IL1RAPL2: variants seen among roughly 807,000 people sequenced by gnomAD.
The protein encoded by IL1RAPL2 is X-linked interleukin-1 receptor accessory protein-like 2.
IL1RAPL2 carries 3 observed loss-of-function variants against 44.1 expected under a neutral mutation model. The ratio of observed to expected loss-of-function variants is 0.07; its 90% CI spans 0.03 to 0.18. IL1RAPL2 has a LOEUF of 0.18. Among genes scored for constraint, IL1RAPL2 ranks in the 10% least tolerant of loss-of-function variants. IL1RAPL2 has a pLI of 1.00. For missense variants in IL1RAPL2, 391 were observed against 496.4 expected, an observed-to-expected ratio of 0.79 and a Z score of 2.02; for synonymous variants, 181 against 178.8, an observed-to-expected ratio of 1.01 and a Z score of -0.10.
intron 2 of IL1RAPL2, among the ~76,000 whole-genome samples, chrX:105,178,958 A>G (rs996948065): frequency 1.8e-5 from 2 of 111,644 alleles, no homozygotes; most frequent in African/African-American, 3.3e-5. Context: ...TCTTTACTCT[A>G]TTGATTATTA....
chrX:104,936,341 C>T (rs949680624), intron 2 of IL1RAPL2, among the ~76,000 whole-genome samples: 2 of 111,660 alleles, frequency 1.8e-5, no homozygotes, highest in African/African-American at 6.5e-5. Flanking sequence ...CAGGGTGTAT[C>T]ACATATAGGA....
At chrX:104,979,574 CAA>C (rs1215339362) in intron 2 of IL1RAPL2, among the ~76,000 whole-genome samples, 4 of 111,570 alleles carry the variant, frequency 3.6e-5, no homozygotes, top group Non-Finnish European at 7.6e-5. Flanking sequence ...TCATTCAATA[CAA>C]AAGAGTATGA....
At chrX:104,913,105 A>G (rs1032141764) in intron 2 of IL1RAPL2, among the ~76,000 whole-genome samples, 6 of 111,945 alleles carry the variant, frequency 5.4e-5, no homozygotes, top group East Asian at 2.8e-4. Flanking sequence ...AGACTATGCA[A>G]TCAAAACTAT....
At chrX:105,287,491 A>G (rs950954108) in intron 5 of IL1RAPL2, among the ~76,000 whole-genome samples, 8 of 111,915 alleles carry the variant, frequency 7.1e-5, no homozygotes, top group Non-Finnish European at 1.9e-5. Flanking sequence ...AGAGGAAGAC[A>G]TAAAAGTGAT....
intron 5 of IL1RAPL2, among the ~76,000 whole-genome samples, chrX:105,402,832 A>G (rs1018631724): frequency 8.9e-6 from 1 of 112,055 alleles, no homozygotes; most frequent in Non-Finnish European, 1.9e-5. Context: ...ATGCAAATAT[A>G]TCCCAATAGC....
intron 2 of IL1RAPL2, among the ~76,000 whole-genome samples, chrX:104,896,971 C>T (rs1419869627): frequency 9.0e-6 from 1 of 111,475 alleles, no homozygotes; most frequent in African/African-American, 3.3e-5. Context: ...TACCATGAAC[C>T]CACCAGAAGG....
intron 3 of IL1RAPL2, among the ~76,000 whole-genome samples, chrX:105,216,241 T>C (rs1556165817): frequency 9.0e-6 from 1 of 111,311 alleles, no homozygotes; most frequent in Non-Finnish European, 1.9e-5. Flanking sequence ...CCCCTTAAGC[T>C]GATAAGCAAC....
intron 2 of IL1RAPL2, among the ~76,000 whole-genome samples, chrX:105,009,534 G>A (rs1298482827): frequency 5.0e-5 from 5 of 100,445 alleles, no homozygotes; most frequent in Non-Finnish European, 1.0e-4. Context: ...TCACTCATAG[G>A]TGGGAATTGA....
At chrX:104,825,001 A>T (rs1921413542) in intron 2 of IL1RAPL2, among the ~76,000 whole-genome samples, 1 of 111,980 alleles carries the variant, frequency 8.9e-6, no homozygotes. Flanking sequence ...AATGAAAACA[A>T]ATCTCATAGG....
intron 6 of IL1RAPL2, among the ~76,000 whole-genome samples, chrX:105,515,704 T>A (rs1217293731): frequency 9.0e-6 from 1 of 111,522 alleles, no homozygotes; most frequent in African/African-American, 3.3e-5. Flanking sequence ...CTTTCTCATT[T>A]TATTACATAA....
chrX:105,698,441 CTTTAG>C (rs1043076567), intron 6 of IL1RAPL2, among the ~76,000 whole-genome samples: 1 of 111,769 alleles, frequency 8.9e-6, no homozygotes, highest in African/African-American at 3.2e-5. Context: ...AATTTTAGGG[CTTTAG>C]TTAAGTAAAA....
intron 5 of IL1RAPL2, among the ~76,000 whole-genome samples, chrX:105,410,785 C>T (rs376048840): frequency 8.9e-6 from 1 of 111,783 alleles, no homozygotes; most frequent in Non-Finnish European, 1.9e-5. Context: ...ATTCATACAT[C>T]TGGAAGTGAA....
intron 7 of IL1RAPL2, among the ~76,000 whole-genome samples, chrX:105,719,574 CGTT>C (rs1237735121): frequency 9.0e-6 from 1 of 111,024 alleles, no homozygotes; most frequent in African/African-American, 3.3e-5. Flanking sequence ...TAAAAGGAAA[CGTT>C]GTACCCATCA....
chrX:105,442,456 T>G (rs1487649017), intron 5 of IL1RAPL2, among the ~76,000 whole-genome samples: 2 of 111,727 alleles, frequency 1.8e-5, no homozygotes, highest in African/African-American at 6.5e-5. Flanking sequence ...GTGCAAACAT[T>G]GTGTAATCCC....
intron 2 of IL1RAPL2, among the ~76,000 whole-genome samples, chrX:104,901,196 CTTCTTT>C (rs1489925965): frequency 1.7e-5 from 1 of 57,923 alleles, no homozygotes; most frequent in African/African-American, 7.6e-5. Context: ...CTTTCTTTTG[CTTCTTT>C]TTTTTTTTTT....
intron 6 of IL1RAPL2, among the ~76,000 whole-genome samples, chrX:105,640,668 A>G (rs868305845): frequency 2.3e-4 from 19 of 80,940 alleles, no homozygotes; most frequent in African/African-American, 1.0e-3. Flanking sequence ...ATATATATAT[A>G]TATATATATA....
At chrX:105,033,024 T>C (rs2147753799) in intron 2 of IL1RAPL2, among the ~76,000 whole-genome samples, 1 of 111,821 alleles carries the variant, frequency 8.9e-6, no homozygotes, top group South Asian at 3.8e-4. Flanking sequence ...TTAAAGTGTT[T>C]TATCAGAGAC....
At chrX:105,029,196 T>C (rs979345410) in intron 2 of IL1RAPL2, among the ~76,000 whole-genome samples, 1 of 106,477 alleles carries the variant, frequency 9.4e-6, no homozygotes, top group African/African-American at 3.4e-5. Context: ...TTAAGAGTCT[T>C]TTTTTTTTAG....
intron 2 of IL1RAPL2, among the ~76,000 whole-genome samples, chrX:104,896,310 C>A (rs1254719674): frequency 8.9e-6 from 1 of 111,907 alleles, no homozygotes; most frequent in Non-Finnish European, 1.9e-5. Context: ...ATGAGCTCAA[C>A]TAACAACTTC....
Sources: allele counts gnomAD v4.1 joint callset (sites outside exome capture counted in the v4.1 genomes callset), GRCh38; gene constraint gnomAD v4.1.1; transcripts MANE v1.5; gene names NCBI Gene and HGNC (gene_info 2026-07-23, HGNC 2026-07-21).